The following RBFOX1 variants were observed in gnomAD, a reference collection of about 807,000 sequenced individuals.
RBFOX1 encodes the protein RNA binding fox-1 homolog 1, also known as RNA binding protein fox-1 homolog 1.
RBFOX1 carries 8 observed loss-of-function variants against 57.7 expected under a neutral mutation model. The ratio of observed to expected loss-of-function variants is 0.14; its 90% CI spans 0.08 to 0.25. The LOEUF (loss-of-function observed/expected upper bound fraction) is 0.25, where lower values mean the gene tolerates loss of function less well. RBFOX1 is among the 10% of genes least tolerant of loss of function. The pLI, the probability that RBFOX1 is intolerant of heterozygous loss-of-function variation, is 1.00. For synonymous variants in RBFOX1, 326 were observed against 222.4 expected (o/e 1.47, Z -4.15); for missense variants, 611 against 548.5 (o/e 1.11, Z -1.14).
intron 2 of RBFOX1, among the ~76,000 whole-genome samples, chr16:5,470,117 G>A (rs968664590): frequency 6.6e-6 from 1 of 152,208 alleles, no homozygotes; most frequent in Admixed American, 6.5e-5. Flanking sequence ...ACTCAGCAGG[G>A]TTTCTCCCAG....
intron 3 of RBFOX1, among the ~76,000 whole-genome samples, chr16:6,923,831 G>T (rs2075005788): frequency 6.6e-6 from 1 of 152,098 alleles, no homozygotes; most frequent in African/African-American, 2.4e-5. Flanking sequence ...TCAGGCAAGT[G>T]ACTGAACCTC....
At chr16:5,709,837 ATATATATTTTTTTTTTTTTTTTTTTT>A (rs1393864710) in intron 3 of RBFOX1, among the ~76,000 whole-genome samples, 4 of 6,858 alleles carry the variant, frequency 5.8e-4, no homozygotes, top group Non-Finnish European at 9.8e-4. Flanking sequence ...ATATATATAT[ATATATATTTTTTTTTTTTTTTTTTTT>A]TTTTTTTTTT....
intron 4 of RBFOX1, among the ~76,000 whole-genome samples, chr16:5,917,498 G>A (rs1025974893): frequency 6.6e-6 from 1 of 152,180 alleles, no homozygotes. Flanking sequence ...CATAATGATT[G>A]CAGTCAAAGA....
rs1014327738 is a variant in RBFOX1, at chr16:6,562,848, C to T, written c.-63-91755C>T. Among the ~76,000 whole-genome samples, 2 of 40,582 alleles carry T rather than the reference C, an allele frequency of 4.9e-5. 1 individual carries two copies. Among genetic ancestry groups the T allele is most frequent in the African/African-American group, 3.7e-4 (2 of 5,404 alleles). The allele number at this position is 40,582 out of a possible 152,430, so 26.6% of individuals were successfully genotyped here. A position where few individuals can be genotyped will look rare whatever the true frequency, so the allele number is the denominator to read the frequency against. On this transcript the variant is annotated intron_variant, in intron 2 of 15. Coordinates refer to ENST00000550418, the MANE Select transcript of RBFOX1 (RefSeq NM_018723.4). ...TCTTGATTCTTTTCTTTCTTTCTTT[C>T]TTTCTTTCTTTCTTTCTTTCTTTCT... is the stretch of plus-strand genomic sequence containing the variant.
intron 3 of RBFOX1, among the ~76,000 whole-genome samples, chr16:6,885,246 C>T (rs2063751755): frequency 6.6e-6 from 1 of 152,130 alleles, no homozygotes. Flanking sequence ...GTCTCCAGTC[C>T]AGCAGCGTCA....
intron 4 of RBFOX1, among the ~76,000 whole-genome samples, chr16:7,462,056 A>G (rs930813917): frequency 1.3e-5 from 2 of 152,200 alleles, no homozygotes; most frequent in Non-Finnish European, 2.9e-5. Flanking sequence ...TGGGGACAAT[A>G]GAACTGTGAA....
At chr16:6,837,380 A>G (rs1357135368) in intron 3 of RBFOX1, among the ~76,000 whole-genome samples, 1 of 152,176 alleles carries the variant, frequency 6.6e-6, no homozygotes, top group Non-Finnish European at 1.5e-5. Context: ...GTTCTCCGCA[A>G]TGGTAGTGAC....
intron 3 of RBFOX1, among the ~76,000 whole-genome samples, chr16:5,845,989 A>G (rs968688872): frequency 1.3e-5 from 2 of 152,118 alleles, no homozygotes; most frequent in Non-Finnish European, 1.5e-5. Context: ...CTTGGCCAAG[A>G]TGGTGAAACC....
intron 4 of RBFOX1, among the ~76,000 whole-genome samples, chr16:7,156,348 TACATATACATGC>T (rs1251244556): frequency 2.0e-5 from 3 of 151,766 alleles, no homozygotes; most frequent in Non-Finnish European, 4.4e-5. Flanking sequence ...TACATATCTG[TACATATACATGC>T]ACATATACAT....
At chr16:7,102,036 T>A (rs1218780361) in intron 4 of RBFOX1, among the ~76,000 whole-genome samples, 4 of 152,172 alleles carry the variant, frequency 2.6e-5, no homozygotes, top group Non-Finnish European at 4.4e-5. Flanking sequence ...CTACCAGTGT[T>A]TGCACCCATG....
chr16:7,584,129 G>A (rs1446525055), intron 6 of RBFOX1, among the ~76,000 whole-genome samples: 2 of 152,050 alleles, frequency 1.3e-5, no homozygotes, highest in Non-Finnish European at 2.9e-5. Context: ...GCCTTTCTTT[G>A]GCCTTCACGC....
intron 3 of RBFOX1, among the ~76,000 whole-genome samples, chr16:6,913,971 C>G (rs12709163): frequency 0.75 from 114,761 of 152,092 alleles, 43,609 homozygotes; most frequent in East Asian, 0.89. Context: ...ATACTCCCCA[C>G]CTCATGTATA....
chr16:6,213,735 T>C (rs1321881708), intron 1 of RBFOX1, among the ~76,000 whole-genome samples: 2 of 152,236 alleles, frequency 1.3e-5, no homozygotes, highest in African/African-American at 2.4e-5. Context: ...CCCCAACTTG[T>C]ATCCCTCTCC....
intron 3 of RBFOX1, among the ~76,000 whole-genome samples, chr16:7,014,641 T>C (rs1486885121): frequency 2.0e-5 from 3 of 152,168 alleles, no homozygotes; most frequent in Non-Finnish European, 4.4e-5. Context: ...AAATATATTT[T>C]GGATTTGATT....
intron 2 of RBFOX1, among the ~76,000 whole-genome samples, chr16:6,635,976 C>G (rs958398772): frequency 6.6e-6 from 1 of 152,088 alleles, no homozygotes; most frequent in East Asian, 1.9e-4. Flanking sequence ...CCGTCATTGC[C>G]TTATGCTTTA....
chr16:7,037,092 C>T (rs1014142652), intron 3 of RBFOX1, among the ~76,000 whole-genome samples: 2 of 152,140 alleles, frequency 1.3e-5, no homozygotes, highest in Non-Finnish European at 2.9e-5. Context: ...TGGGTTTTGG[C>T]TGGCTTCTTT....
intron 2 of RBFOX1, among the ~76,000 whole-genome samples, chr16:6,653,965 TTGGACGGA>T (rs1441724072): frequency 0.018 from 2,230 of 125,740 alleles, 56 homozygotes; most frequent in African/African-American, 0.06. Flanking sequence ...GGATGGATGG[TTGGACGGA>T]TGGATGGATG....
At chr16:6,579,542 G>A (rs554901918) in intron 2 of RBFOX1, among the ~76,000 whole-genome samples, 37 of 152,194 alleles carry the variant, frequency 2.4e-4, no homozygotes, top group African/African-American at 8.7e-4. Context: ...GTTTTGTAAC[G>A]GGCTTTTCCT....
chr16:6,745,850 T>A (rs1276263739), intron 3 of RBFOX1, among the ~76,000 whole-genome samples: 1 of 152,190 alleles, frequency 6.6e-6, no homozygotes, highest in Non-Finnish European at 1.5e-5. Flanking sequence ...TCTTTATTCA[T>A]AGGCAGCGTG....
Sources: allele counts gnomAD v4.1 joint callset (sites outside exome capture counted in the v4.1 genomes callset), GRCh38; gene constraint gnomAD v4.1.1; transcripts MANE v1.5; gene names NCBI Gene and HGNC (gene_info 2026-07-23, HGNC 2026-07-21).